Variants in TMEM232 observed in about 807,000 individuals in gnomAD.
TMEM232 encodes transmembrane protein 232.
In TMEM232, 80 loss-of-function variants were observed where a neutral mutation model predicts 78.8. That is an observed-to-expected ratio of 1.01 (90% CI 0.85 to 1.22). The LOEUF (loss-of-function observed/expected upper bound fraction) is 1.22. TMEM232 is among the 50% of genes most tolerant of loss of function. The pLI is 0.00. For synonymous variants in TMEM232, 297 were observed against 254.3 expected, an observed-to-expected ratio of 1.17 and a Z score of -1.60; for missense variants, 881 against 742.2, an observed-to-expected ratio of 1.19 and a Z score of -2.17.
chr5:110,721,667 G>GTATATATATATATATATA (rs1277641654), intron 1 of TMEM232, among the ~76,000 whole-genome samples: 677 of 10,398 alleles, frequency 0.065, 53 homozygotes, highest in African/African-American at 0.11. Context: ...GTGTGTGTGT[G>GTATATATATATATATATA]TGTGTGTATA....
At chr5:110,662,809 A>T (rs1789976983) in intron 2 of TMEM232, among the ~76,000 whole-genome samples, 1 of 152,174 alleles carries the variant, frequency 6.6e-6, no homozygotes, top group Non-Finnish European at 1.5e-5. Flanking sequence ...CTTGTGCTTA[A>T]TATTATTTAC....
chr5:110,430,354 TC>T (rs1405861197), intron 12 of TMEM232, among the ~76,000 whole-genome samples: 1 of 150,472 alleles, frequency 6.6e-6, no homozygotes, highest in African/African-American at 2.5e-5. Flanking sequence ...CTTAGACGTT[TC>T]CTTTTTTTTT....
intron 1 of TMEM232, among the ~76,000 whole-genome samples, chr5:110,724,915 T>C (rs1798004415): frequency 6.6e-6 from 1 of 152,158 alleles, no homozygotes; most frequent in South Asian, 2.1e-4. Context: ...AAAGTCGATA[T>C]AGATTTAGCA....
At chr5:110,475,990 C>T (rs1763214061) in intron 12 of TMEM232, among the ~76,000 whole-genome samples, 1 of 151,908 alleles carries the variant, frequency 6.6e-6, no homozygotes, top group Admixed American at 6.6e-5. Flanking sequence ...AACACAGAAT[C>T]GTTTTTGTTG....
chr5:110,504,493 G>C (rs1029643670), intron 12 of TMEM232, among the ~76,000 whole-genome samples: 2 of 152,174 alleles, frequency 1.3e-5, no homozygotes, highest in Non-Finnish European at 2.9e-5. Context: ...TATACATAGA[G>C]AGAGGAATTG....
In TMEM232 at chr5:110,420,612, A is replaced by T; in HGVS notation, c.1942T>A (p.Tyr648Asn). 6.7e-7 allele frequency: 1 copy of T among 1,491,178 alleles called. No individual in the cohort carries two copies. The highest frequency in any genetic ancestry group is 8.8e-7 in the Non-Finnish European group (1 of 1,133,348). 92.4% of individuals were successfully genotyped at this position (1,491,178 alleles called of 1,614,324 possible). A position where few individuals can be genotyped will look rare whatever the true frequency, so the allele number is the denominator to read the frequency against. Reference protein sequence around the residue: ...EEKLHKQTKPYELPYRKEVI With the variant: ...EEKLHKQTKPNELPYRKEVI ...ACTTCCTTCCTATAAGGAAGTTCAT[A>T]GGGCTTGGTTTGCTTATGTAGTTTC... The change falls in exon 14 of 14, where the codon TAT becomes AAT. Residue 648 changes from tyrosine to asparagine, a missense_variant. Physicochemically the swap from Tyr to Asn is moderately radical, Grantham distance 143 (BLOSUM62 -2). Coordinates refer to ENST00000455884, the MANE Select transcript of TMEM232 (RefSeq NM_001039763.4).
chr5:110,481,523 T>TC (rs1763860716), intron 12 of TMEM232, among the ~76,000 whole-genome samples: 1 of 151,916 alleles, frequency 6.6e-6, no homozygotes, highest in Non-Finnish European at 1.5e-5. Context: ...ACCTCTCCCC[T>TC]CCGCACACAC....
intron 12 of TMEM232, among the ~76,000 whole-genome samples, chr5:110,451,625 T>G (rs1429866361): frequency 6.6e-6 from 1 of 152,138 alleles, no homozygotes; most frequent in African/African-American, 2.4e-5. Flanking sequence ...GATTTTTTAA[T>G]GTTTTCATGT....
chr5:110,738,725 G>A (rs549844353), upstream of TMEM232: 12 of 255,872 alleles, frequency 4.7e-5, no homozygotes, highest in Non-Finnish European at 8.3e-5. Context: ...ATCTCACCGG[G>A]TAGGCTCCAC....
At chr5:110,504,004 G>A (rs1362575161) in intron 12 of TMEM232, among the ~76,000 whole-genome samples, 1 of 152,126 alleles carries the variant, frequency 6.6e-6, no homozygotes, top group Non-Finnish European at 1.5e-5. Context: ...ATCAGACAAT[G>A]TATTCCTTGG....
At chr5:110,474,693 C>T (rs1439396861) in intron 12 of TMEM232, among the ~76,000 whole-genome samples, 1 of 151,870 alleles carries the variant, frequency 6.6e-6, no homozygotes, top group African/African-American at 2.4e-5. Flanking sequence ...ACTTAATATG[C>T]ATATTTAATA....
chr5:110,419,574 C>CTGACA lies in TMEM232; in HGVS notation c.*1001_*1005dup, dbSNP rs1373907346. Among the ~76,000 whole-genome samples, 10 of 152,186 alleles carry CTGACA rather than the reference C, an allele frequency of 6.6e-5. 1 individual carries two copies. The East Asian group carries it at 7.7e-4, about 12-fold the overall frequency. On this transcript the variant is annotated 3_prime_UTR_variant, in exon 14 of 14. Transcript: ENST00000455884. ...TGAAAGGCTGGATGATTTTACAATA[C>CTGACA]TGACATACATTTTGGAATGTAACCG...
intron 2 of TMEM232, among the ~76,000 whole-genome samples, chr5:110,644,101 T>G (rs1787118548): frequency 6.6e-6 from 1 of 151,886 alleles, no homozygotes; most frequent in African/African-American, 2.4e-5. Context: ...AGAGTTGAGG[T>G]GTTACAACAT....
At chr5:110,517,789 G>C (rs1768891184) in intron 12 of TMEM232, among the ~76,000 whole-genome samples, 1 of 152,184 alleles carries the variant, frequency 6.6e-6, no homozygotes, top group African/African-American at 2.4e-5. Flanking sequence ...TAAGCAGATA[G>C]CATTTTTTCT....
At chr5:110,409,563 G>A (rs1319248267) in intron 2 of TMEM232, among the ~76,000 whole-genome samples, 1 of 152,170 alleles carries the variant, frequency 6.6e-6, no homozygotes, top group Non-Finnish European at 1.5e-5. Context: ...AGTTGCTGTT[G>A]CCACAGCTAG....
intron 11 of TMEM232, among the ~76,000 whole-genome samples, chr5:110,556,301 CTCCT>C (rs1176931462): frequency 6.6e-6 from 1 of 150,722 alleles, no homozygotes; most frequent in Non-Finnish European, 1.5e-5. Flanking sequence ...CTTCCTTCTC[CTCCT>C]TCCTTCCTTT....
At chr5:110,514,617 C>G (rs953700793) in intron 12 of TMEM232, among the ~76,000 whole-genome samples, 2 of 151,938 alleles carry the variant, frequency 1.3e-5, no homozygotes, top group African/African-American at 4.8e-5. Context: ...AGAAAAAAAA[C>G]CTATAAAATA....
rs541628581 is a variant in TMEM232 at position 110,622,641 on chromosome 5, G to A, written c.768+2626C>T. Among the ~76,000 whole-genome samples the A allele has an allele frequency of 3.5e-3, 530 of 152,080 alleles. 2 individuals carry two copies. The highest frequency in any genetic ancestry group is 6.2e-3 in the Admixed American group (95 of 15,234). ...AGTCTTTGCTATCGTGAATAATGCC[G>A]CAATAAACATACGTGTGCATGTGTC... On this transcript the variant is annotated intron_variant, in intron 7 of 13. Transcript: ENST00000455884.
chr5:110,473,495 A>T (rs1762898100), intron 12 of TMEM232, among the ~76,000 whole-genome samples: 2 of 151,800 alleles, frequency 1.3e-5, no homozygotes, highest in African/African-American at 4.8e-5. Flanking sequence ...ATAAATTCGT[A>T]CAGTCATTAT....
Sources: allele counts gnomAD v4.1 joint callset (sites outside exome capture counted in the v4.1 genomes callset), GRCh38; gene constraint gnomAD v4.1.1; transcripts MANE v1.5; gene names NCBI Gene and HGNC (gene_info 2026-07-23, HGNC 2026-07-21).